OR10R2: variants seen among roughly 807,000 people sequenced by gnomAD.
OR10R2 encodes the protein olfactory receptor family 10 subfamily R member 2, also known as olfactory receptor 10R2.
OR10R2 carries 1 observed loss-of-function variant against 2.4 expected under a neutral mutation model. The ratio of observed to expected loss-of-function variants is 0.41; its 90% CI spans 0.15 to 1.95. OR10R2 has a LOEUF of 1.95. OR10R2 is among the 30% of genes most tolerant of loss of function. The pLI, the probability that OR10R2 is intolerant of heterozygous loss-of-function variation, is 0.30. For missense variants in OR10R2, 419 were observed against 373.0 expected, an observed-to-expected ratio of 1.12 and a Z score of -1.01; for synonymous variants, 166 against 144.8, an observed-to-expected ratio of 1.15 and a Z score of -1.05.
intron 1 of OR10R2, among the ~76,000 whole-genome samples, chr1:158,472,817 T>C (rs761402031): frequency 1.4e-4 from 22 of 152,192 alleles, no homozygotes; most frequent in Non-Finnish European, 2.2e-4. Context: ...ACATTAGAGA[T>C]ATTGCAGAAT....
chr1:158,479,900 C>T, intron 1 of OR10R2, 38 bp from the exon 2 acceptor site: 1 of 1,608,170 alleles, frequency 6.2e-7, no homozygotes, highest in Non-Finnish European at 8.5e-7. Flanking sequence ...CTTATATTCA[C>T]ATACCTGAAT....
At chr1:158,475,216 T>A (rs1656248957) in intron 1 of OR10R2, among the ~76,000 whole-genome samples, 1 of 152,162 alleles carries the variant, frequency 6.6e-6, no homozygotes, top group Non-Finnish European at 1.5e-5. Context: ...AAACAAGTAC[T>A]ATTAGTTTGT....
chr1:158,472,542 T>C (rs1656184358), intron 1 of OR10R2, among the ~76,000 whole-genome samples, 190 bp downstream of exon 1: 1 of 152,244 alleles, frequency 6.6e-6, no homozygotes, highest in Non-Finnish European at 1.5e-5. Context: ...TGAAACTCTT[T>C]CATATTGGAG....
At chr1:158,473,850 CTCCT>C (rs1286269445) in intron 1 of OR10R2, among the ~76,000 whole-genome samples, 1 of 134,334 alleles carries the variant, frequency 7.4e-6, no homozygotes, top group African/African-American at 3.5e-5. Flanking sequence ...TCCTCCCTCC[CTCCT>C]TCCCTCTTTC....
At chr1:158,472,454 C>A in intron 1 of OR10R2, 102 bp downstream of exon 1, 1 of 397,992 alleles carries the variant, frequency 2.5e-6, no homozygotes, top group South Asian at 1.3e-4. Flanking sequence ...TAGATTTTTC[C>A]TTAAAGGGCC....
At chr1:158,479,275 A>T (rs1656330221) in intron 1 of OR10R2, among the ~76,000 whole-genome samples, 2 of 152,234 alleles carry the variant, frequency 1.3e-5, no homozygotes, top group South Asian at 4.1e-4. Flanking sequence ...GCCTGCTGGG[A>T]TTTGTTAAGA....
chr1:158,477,479 A>T (rs1248643362), intron 1 of OR10R2, among the ~76,000 whole-genome samples: 1 of 152,182 alleles, frequency 6.6e-6, no homozygotes, highest in Non-Finnish European at 1.5e-5. Context: ...AATCAATCTA[A>T]AAAAGTCAGT....
chr1:158,480,526 T>C, exon 2 of OR10R2: 2 of 1,613,600 alleles, frequency 1.2e-6, no homozygotes, highest in Non-Finnish European at 1.7e-6. Context: ...TGTTAACGAA[T>C]TTGTGATATT....
At chr1:158,473,994 T>G (rs529390947) in intron 1 of OR10R2, among the ~76,000 whole-genome samples, 1 of 151,468 alleles carries the variant, frequency 6.6e-6, no homozygotes, top group South Asian at 2.1e-4. Context: ...TCTTTTCTTC[T>G]CTTTCTTCAT....
rs1390553481 is a variant in OR10R2, at chr1:158,480,175, A to T, written c.265A>T (p.Lys89Ter). 6.2e-7 allele frequency: 1 copy of T among 1,614,058 alleles called. No individual in the cohort carries two copies. The change falls in exon 2 of 2, where the codon AAG becomes TAG. Residue 89 changes from lysine (K) to a stop codon, truncating the protein, a stop_gained. Transcript: ENST00000641067. LOFTEE classifies it low-confidence loss of function (END_TRUNC). The stretch of plus-strand genomic sequence containing the variant: ...CTTCTACACCTTTGTCATTCTACCC[A>T]AGATGCTCATCAATCTACTTTCTGT...
At chr1:158,477,588 C>A (rs1656293885) in intron 1 of OR10R2, among the ~76,000 whole-genome samples, 1 of 151,610 alleles carries the variant, frequency 6.6e-6, no homozygotes, top group Non-Finnish European at 1.5e-5. Context: ...TAGAAATGCA[C>A]CTAATAAAAG....
At chr1:158,475,950 G>A (rs1044902093) in intron 1 of OR10R2, among the ~76,000 whole-genome samples, 2 of 151,900 alleles carry the variant, frequency 1.3e-5, no homozygotes, top group African/African-American at 4.8e-5. Flanking sequence ...AGTTTAGGTG[G>A]CATTGAGATG....
intron 1 of OR10R2, 48 bp from the exon 2 acceptor site, chr1:158,479,890 C>T (rs766667221): frequency 6.2e-7 from 1 of 1,603,818 alleles, no homozygotes; most frequent in Non-Finnish European, 8.5e-7. Flanking sequence ...GCCCCAAATT[C>T]TTATATTCAC....
intron 1 of OR10R2, among the ~76,000 whole-genome samples, chr1:158,472,730 AG>A (rs1245002222): frequency 6.6e-6 from 1 of 152,194 alleles, no homozygotes. Flanking sequence ...AAGGATTGGA[AG>A]GTGGTAATAG....
intron 1 of OR10R2, among the ~76,000 whole-genome samples, chr1:158,473,103 A>T (rs1160391425): frequency 6.6e-6 from 1 of 152,198 alleles, no homozygotes; most frequent in Middle Eastern, 3.2e-3. Flanking sequence ...CGCTTGCTGG[A>T]AGTATCTTTA....
chr1:158,480,402 C>G, exon 2 of OR10R2: 2 of 1,614,026 alleles, frequency 1.2e-6, no homozygotes, highest in South Asian at 2.2e-5. Context: ...GCTTCTTGGC[C>G]TCTCTTACAG....
chr1:158,478,939 G>T (rs1321907703), intron 1 of OR10R2, among the ~76,000 whole-genome samples: 1 of 151,972 alleles, frequency 6.6e-6, no homozygotes, highest in Admixed American at 6.6e-5. Flanking sequence ...CTCTGTTCAG[G>T]TATATAATAT....
intron 1 of OR10R2, among the ~76,000 whole-genome samples, chr1:158,476,932 T>A (rs143313226): frequency 9.2e-5 from 14 of 152,288 alleles, no homozygotes; most frequent in Non-Finnish European, 1.0e-4. Flanking sequence ...GGGTTTATTG[T>A]TTTTTGCTTG....
intron 1 of OR10R2, among the ~76,000 whole-genome samples, chr1:158,478,625 C>T (rs1656319328): frequency 6.6e-6 from 1 of 152,072 alleles, no homozygotes; most frequent in Non-Finnish European, 1.5e-5. Flanking sequence ...AAAGTTTTTC[C>T]TAAAAGCAGT....
Sources: allele counts gnomAD v4.1 joint callset (sites outside exome capture counted in the v4.1 genomes callset), GRCh38; gene constraint gnomAD v4.1.1; transcripts MANE v1.5; gene names NCBI Gene and HGNC (gene_info 2026-07-23, HGNC 2026-07-21).